RSU1: variants seen among roughly 807,000 people sequenced by gnomAD.
RSU1 encodes Ras suppressor protein 1.
RSU1 carries 26 observed loss-of-function variants against 31.1 expected under a neutral mutation model. The ratio of observed to expected loss-of-function variants is 0.84; its 90% CI spans 0.61 to 1.16. RSU1 has a LOEUF of 1.16. Ranked by LOEUF, RSU1 falls within the 50% of genes most tolerant of loss-of-function variation. RSU1 has a pLI of 0.00. For missense variants in RSU1, 320 were observed against 339.1 expected (o/e 0.94, Z 0.44); for synonymous variants, 164 against 136.3 (o/e 1.20, Z -1.41).
At chr10:16,625,353 T>C (rs1834136763) in intron 8 of RSU1, among the ~76,000 whole-genome samples, 1 of 152,192 alleles carries the variant, frequency 6.6e-6, no homozygotes, top group South Asian at 2.1e-4. Context: ...GAGGCTCACC[T>C]ATCCCTGCCT....
chr10:16,813,557 G>A lies in RSU1; in HGVS notation c.109+3416C>T, dbSNP rs544734237. Among the ~76,000 whole-genome samples, 20 of 152,242 alleles carry A rather than the reference G, an allele frequency of 1.3e-4. 3 individuals carry two copies. Among genetic ancestry groups the A allele is most frequent in the Admixed American group, 3.9e-4 (6 of 15,294 alleles). ...TTTAATGTGCATTATTGCATTTAAC[G>A]CAAACCATTAAACCAGTCTTATGAA... On this transcript the variant is annotated intron_variant, in intron 2 of 8. Transcript: ENST00000345264.
intron 8 of RSU1, among the ~76,000 whole-genome samples, chr10:16,597,216 G>A (rs1168233119): frequency 2.0e-5 from 3 of 152,228 alleles, no homozygotes; most frequent in Admixed American, 6.5e-5. Flanking sequence ...GCTGAGGTGG[G>A]TGTTCAGCTT....
Position 16,751,533 on chromosome 10 carries a change from C to G in RSU1, c.598+1006G>C, listed in dbSNP as rs147850535. ...ATTAGCCACATGAGCCTGCTCATAA[C>G]CTTCCTAACGTCCTGTCATCCAAGG... On this transcript the variant is annotated intron_variant, in intron 7 of 8. Coordinates refer to ENST00000345264, the MANE Select transcript of RSU1 (RefSeq NM_012425.4). Among the ~76,000 whole-genome samples the G allele has an allele frequency of 3.0e-3, 450 of 152,332 alleles. 6 individuals carry two copies. The highest frequency in any genetic ancestry group is 4.6e-4 in the Non-Finnish European group (31 of 68,036).
chr10:16,799,506 A>AAAC (rs57657837), intron 2 of RSU1, among the ~76,000 whole-genome samples: 35,328 of 151,608 alleles, frequency 0.23, 4,344 homozygotes, highest in African/African-American at 0.31. Flanking sequence ...GAGAGATTAA[A>AAAC]AACAACAACA....
intron 8 of RSU1, among the ~76,000 whole-genome samples, chr10:16,675,515 G>C (rs1307778275): frequency 6.6e-6 from 1 of 152,130 alleles, no homozygotes; most frequent in Non-Finnish European, 1.5e-5. Context: ...AACTTCCTGA[G>C]CTTACACACT....
At chr10:16,813,617 G>A (rs1361683510) in intron 2 of RSU1, among the ~76,000 whole-genome samples, 1 of 152,210 alleles carries the variant, frequency 6.6e-6, no homozygotes, top group Non-Finnish European at 1.5e-5. Context: ...TAAGTAACTT[G>A]AGGATCAGAG....
chr10:16,707,063 G>A (rs1835920361), intron 7 of RSU1, among the ~76,000 whole-genome samples: 1 of 152,082 alleles, frequency 6.6e-6, no homozygotes, highest in African/African-American at 2.4e-5. Flanking sequence ...ATCCAATTGT[G>A]GCAAATGAGA....
intron 8 of RSU1, among the ~76,000 whole-genome samples, chr10:16,626,677 G>T (rs556495240): frequency 2.6e-5 from 4 of 152,280 alleles, no homozygotes; most frequent in African/African-American, 9.6e-5. Context: ...TGAAGCTTCA[G>T]TTGCCACATC....
rs949964916 is a variant in RSU1, at chr10:16,645,743, G to A, written c.731+49280C>T. ...AATCACTTGAACTCGGGAGGCGGAG[G>A]TTGCAGTAAGCCGAGATCACGCCAC... On this transcript the variant is annotated intron_variant, in intron 8 of 8. Transcript: ENST00000345264. Among the ~76,000 whole-genome samples the A allele has an allele frequency of 3.3e-5, 5 of 150,564 alleles. No individual in the cohort carries two copies. The East Asian group carries it at 9.8e-4, about 30-fold the overall frequency.
At chr10:16,802,227 A>T (rs1212975748) in intron 2 of RSU1, among the ~76,000 whole-genome samples, 3 of 151,934 alleles carry the variant, frequency 2.0e-5, no homozygotes, top group Non-Finnish European at 4.4e-5. Flanking sequence ...TTACAAACAG[A>T]AATGAAAGAA....
intron 8 of RSU1, among the ~76,000 whole-genome samples, chr10:16,613,929 C>T (rs955461629): frequency 6.6e-5 from 10 of 152,066 alleles, no homozygotes; most frequent in African/African-American, 2.2e-4. Context: ...CAATCTATTG[C>T]CAGGCTATAT....
intron 3 of RSU1, among the ~76,000 whole-genome samples, chr10:16,775,574 G>A (rs1160616085): frequency 1.3e-5 from 2 of 152,176 alleles, no homozygotes; most frequent in East Asian, 1.9e-4. Flanking sequence ...GCCACCGGCA[G>A]GACACGTCTT....
chr10:16,631,631 A>C (rs1308530053), intron 8 of RSU1, among the ~76,000 whole-genome samples: 1 of 152,250 alleles, frequency 6.6e-6, no homozygotes, highest in Non-Finnish European at 1.5e-5. Context: ...CTCAATCATT[A>C]TGCTTACAAG....
At chr10:16,757,257 T>A (rs1269792007) in intron 4 of RSU1, among the ~76,000 whole-genome samples, 3 of 152,032 alleles carry the variant, frequency 2.0e-5, no homozygotes, top group South Asian at 2.1e-4. Flanking sequence ...AAAAAAAAAA[T>A]TTAATAAAAG....
chr10:16,672,877 T>G (rs1321400603), intron 8 of RSU1, among the ~76,000 whole-genome samples: 1 of 152,216 alleles, frequency 6.6e-6, no homozygotes, highest in Non-Finnish European at 1.5e-5. Flanking sequence ...TGTAGTCTGT[T>G]GTATGCCAAT....
At chr10:16,759,086 C>T (rs1001385894) in intron 4 of RSU1, among the ~76,000 whole-genome samples, 3 of 152,172 alleles carry the variant, frequency 2.0e-5, no homozygotes, top group Non-Finnish European at 2.9e-5. Context: ...CTTTTCAGAG[C>T]AGTTTCTTCT....
chr10:16,671,627 TTTTG>T (rs201609908), intron 8 of RSU1, among the ~76,000 whole-genome samples: 15 of 151,752 alleles, frequency 9.9e-5, no homozygotes, highest in African/African-American at 3.4e-4. Context: ...AGGTGTTTTT[TTTTG>T]TTTGTTTGTT....
chr10:16,665,681 T>A (rs1834975620), intron 8 of RSU1, among the ~76,000 whole-genome samples: 1 of 151,858 alleles, frequency 6.6e-6, no homozygotes, highest in Non-Finnish European at 1.5e-5. Context: ...AAAAACTGCA[T>A]TTTTTTCCCC....
At chr10:16,598,437 C>T (rs1266079885) in intron 8 of RSU1, among the ~76,000 whole-genome samples, 2 of 152,104 alleles carry the variant, frequency 1.3e-5, no homozygotes, top group East Asian at 3.9e-4. Context: ...GTAGTCCCAG[C>T]TACTTACTTG....
Sources: allele counts gnomAD v4.1 joint callset (sites outside exome capture counted in the v4.1 genomes callset), GRCh38; gene constraint gnomAD v4.1.1; transcripts MANE v1.5; gene names NCBI Gene and HGNC (gene_info 2026-07-23, HGNC 2026-07-21).